The following DLG2 variants were observed in gnomAD, a reference collection of about 807,000 sequenced individuals.
The protein encoded by DLG2 is discs large MAGUK scaffold protein 2, also known as disks large homolog 2.
A neutral mutation model predicts 132.5 loss-of-function variants in DLG2; 45 were observed. The observed-to-expected ratio is 0.34, with a 90% CI of 0.27 to 0.44. The LOEUF (loss-of-function observed/expected upper bound fraction) is 0.44. Among genes scored for constraint, DLG2 ranks in the 20% least tolerant of loss-of-function variants. DLG2 has a pLI of 1.00. For missense variants in DLG2, 1,045 were observed against 1,196.9 expected (o/e 0.87, Z 1.87); for synonymous variants, 424 against 419.6 (o/e 1.01, Z -0.13).
chr11:84,641,708 G>A (rs1241699222), intron 6 of DLG2, among the ~76,000 whole-genome samples: 5 of 151,886 alleles, frequency 3.3e-5, no homozygotes, highest in Non-Finnish European at 4.4e-5. Flanking sequence ...GATTACCTTG[G>A]GCAAGAGCTT....
intron 3 of DLG2, among the ~76,000 whole-genome samples, chr11:85,593,260 T>G (rs1054210339): frequency 1.3e-5 from 2 of 152,150 alleles, no homozygotes; most frequent in Non-Finnish European, 2.9e-5. Flanking sequence ...AGTAATAATA[T>G]TCACACACTG....
At chr11:84,865,491 C>T (rs771178911) in intron 6 of DLG2, among the ~76,000 whole-genome samples, 1 of 152,136 alleles carries the variant, frequency 6.6e-6, no homozygotes, top group Admixed American at 6.6e-5. Context: ...CAGAATGGCC[C>T]TATGCTTTGG....
chr11:83,945,604 A>C (rs996967230), intron 14 of DLG2, among the ~76,000 whole-genome samples: 6 of 152,228 alleles, frequency 3.9e-5, no homozygotes, highest in Non-Finnish European at 7.3e-5. Flanking sequence ...ATGCATTTAT[A>C]GAGTGAAGTG....
At chr11:84,250,912 A>G (rs2097363712) in intron 8 of DLG2, among the ~76,000 whole-genome samples, 1 of 152,206 alleles carries the variant, frequency 6.6e-6, no homozygotes, top group African/African-American at 2.4e-5. Context: ...TATTCCTTTT[A>G]TAAGAAACCC....
intron 7 of DLG2, among the ~76,000 whole-genome samples, chr11:84,502,346 CTTTCTTTCTTTCTTTCTTTCTTTCT>C (rs2099219209): frequency 2.2e-5 from 1 of 45,134 alleles, no homozygotes; most frequent in Non-Finnish European, 3.9e-5. Context: ...TTCTTTCTTT[CTTTCTTTCTTTCTTTCTTTCTTTCT>C]TTCTTTCTTT....
At chr11:84,668,786 A>G (rs1595351570) in intron 6 of DLG2, among the ~76,000 whole-genome samples, 1 of 152,288 alleles carries the variant, frequency 6.6e-6, no homozygotes, top group East Asian at 1.9e-4. Context: ...AATTGTTGAA[A>G]AATTTGAAAA....
chr11:85,002,472 G>T (rs891767963), intron 6 of DLG2, among the ~76,000 whole-genome samples: 3 of 152,162 alleles, frequency 2.0e-5, no homozygotes, highest in Non-Finnish European at 2.9e-5. Context: ...ACTATCAGAA[G>T]TCTGTGGAGG....
intron 6 of DLG2, among the ~76,000 whole-genome samples, chr11:85,090,832 A>T (rs193238993): frequency 6.6e-6 from 1 of 152,214 alleles, no homozygotes; most frequent in Non-Finnish European, 1.5e-5. Flanking sequence ...TGAGTAATTT[A>T]TAAAGAAAAA....
chr11:83,651,917 T>G (rs768943175), intron 18 of DLG2: 8 of 470,800 alleles, frequency 1.7e-5, no homozygotes, highest in African/African-American at 4.0e-5. Flanking sequence ...TGAAATCTTA[T>G]GTGATATCGG....
At chr11:84,632,847 C>T (rs190742514) in intron 6 of DLG2, among the ~76,000 whole-genome samples, 2 of 152,258 alleles carry the variant, frequency 1.3e-5, no homozygotes, top group East Asian at 3.9e-4. Flanking sequence ...TTTTTACATC[C>T]TTTAGTTTTA....
rs550490747 is a variant in DLG2, at chr11:85,021,218, G to A, written c.357+90443C>T. The A allele has an allele frequency of 7.6e-5, 94 of 1,243,116 alleles. No individual in the cohort carries two copies. In the East Asian group the frequency reaches 1.5e-3, roughly 20 times the overall value. The allele number at this position is 1,243,116 out of a possible 1,614,324, so 77.0% of individuals were successfully genotyped here. ...GAGTTGTTTCCTGATACACACTGAC[G>A]TTTCGAGGGCACTACAGCCCGAGCA... is the stretch of plus-strand genomic sequence containing the variant. On this transcript the variant is annotated intron_variant, in intron 6 of 27. Transcript: ENST00000376104.
chr11:84,399,789 G>GT (rs1220966680), intron 7 of DLG2, among the ~76,000 whole-genome samples: 1 of 152,130 alleles, frequency 6.6e-6, no homozygotes, highest in Non-Finnish European at 1.5e-5. Flanking sequence ...TTGTTTGTTT[G>GT]TTTTTTGGTT....
At chr11:83,884,387 G>T (rs1258898918) in intron 15 of DLG2, among the ~76,000 whole-genome samples, 1 of 152,146 alleles carries the variant, frequency 6.6e-6, no homozygotes, top group Admixed American at 6.5e-5. Context: ...AGCGAGGCTA[G>T]GGGGAGGGGC....
At chr11:85,531,920 T>C (rs759180819) in intron 3 of DLG2, among the ~76,000 whole-genome samples, 1 of 152,166 alleles carries the variant, frequency 6.6e-6, no homozygotes, top group African/African-American at 2.4e-5. Context: ...ACAAAAATGT[T>C]AAGCAACTTT....
chr11:84,534,859 G>A lies in DLG2; in HGVS notation c.358-128C>T, dbSNP rs1207602047. 5.5e-6 allele frequency: 6 copies of A among 1,100,102 alleles called. No individual in the cohort carries two copies. In the African/African-American group the frequency reaches 6.2e-5, roughly 11 times the overall value. The allele number at this position is 1,100,102 out of a possible 1,614,324, so 68.1% of individuals were successfully genotyped here. ...ACCTACTGTTGACTTCACCAAATGG[G>A]CTTTGCTGCAGACTCTTCTGGCGGT... On this transcript the variant is annotated intron_variant, in intron 6 of 27. Coordinates refer to ENST00000376104, the MANE Select transcript of DLG2 (RefSeq NM_001142699.3).
intron 8 of DLG2, among the ~76,000 whole-genome samples, chr11:84,213,818 C>CA (rs35761640): frequency 0.021 from 943 of 44,648 alleles, 7 homozygotes; most frequent in Non-Finnish European, 0.042. Context: ...GACTCCGTCT[C>CA]AAAAAAAAAA....
chr11:84,864,492 T>C (rs1353858695), intron 6 of DLG2, among the ~76,000 whole-genome samples: 1 of 152,196 alleles, frequency 6.6e-6, no homozygotes, highest in Non-Finnish European at 1.5e-5. Flanking sequence ...TATATTTCTC[T>C]TTTCTTTACT....
At chr11:84,415,556 T>C (rs758996966) in intron 7 of DLG2, among the ~76,000 whole-genome samples, 1 of 152,154 alleles carries the variant, frequency 6.6e-6, no homozygotes, top group Non-Finnish European at 1.5e-5. Context: ...AAGGCCAAGT[T>C]TTTTCATTAT....
At chr11:83,964,414 T>C (rs2089694781) in intron 13 of DLG2, among the ~76,000 whole-genome samples, 2 of 152,034 alleles carry the variant, frequency 1.3e-5, no homozygotes, top group Non-Finnish European at 2.9e-5. Flanking sequence ...GGAAATAAAA[T>C]TGTTCAACAC....
Sources: allele counts gnomAD v4.1 joint callset (sites outside exome capture counted in the v4.1 genomes callset), GRCh38; gene constraint gnomAD v4.1.1; transcripts MANE v1.5; gene names NCBI Gene and HGNC (gene_info 2026-07-23, HGNC 2026-07-21).